Variants in DPP6 observed in about 807,000 individuals in gnomAD.
DPP6 encodes the protein dipeptidyl peptidase like 6.
A neutral mutation model predicts 122.6 loss-of-function variants in DPP6; 69 were observed. The ratio of observed to expected loss-of-function variants is 0.56; its 90% confidence interval spans 0.46 to 0.69. DPP6 has a LOEUF of 0.69. Among genes scored for constraint, DPP6 ranks in the 30% least tolerant of loss-of-function variants. The pLI, the probability that DPP6 is intolerant of heterozygous loss-of-function variation, is 0.00. For missense variants in DPP6, 928 were observed against 1,116.9 expected, an observed-to-expected ratio of 0.83 and a Z score of 2.41; for synonymous variants, 418 against 433.1, an observed-to-expected ratio of 0.97 and a Z score of 0.43.
chr7:154,383,890 C>CCA (rs1813851628), intron 1 of DPP6, among the ~76,000 whole-genome samples: 1 of 106,566 alleles, frequency 9.4e-6, no homozygotes, highest in Non-Finnish European at 1.8e-5. Context: ...ACTCTGTCTC[C>CCA]AAAAAAAAAA....
chr7:154,105,297 G>A (rs1412466419), intron 1 of DPP6, among the ~76,000 whole-genome samples: 1 of 152,218 alleles, frequency 6.6e-6, no homozygotes, highest in Non-Finnish European at 1.5e-5. Context: ...GGAGAGGGAT[G>A]GCCAAAAGAA....
chr7:153,791,424 C>CT, the DPP6 span, among the ~76,000 whole-genome samples: 22 of 91,646 alleles, frequency 2.4e-4, 1 homozygote, highest in African/African-American at 3.8e-4. Flanking sequence ...TCCTTCCTTT[C>CT]TTTTTTTTTT....
chr7:154,119,146 A>G (rs1214045127), intron 1 of DPP6, among the ~76,000 whole-genome samples: 1 of 152,082 alleles, frequency 6.6e-6, no homozygotes, highest in Non-Finnish European at 1.5e-5. Context: ...GTTTCTCAGA[A>G]TCTCTTTCCC....
chr7:154,873,076 C>T (rs1436708458), intron 19 of DPP6, among the ~76,000 whole-genome samples: 2 of 152,248 alleles, frequency 1.3e-5, no homozygotes, highest in Non-Finnish European at 2.9e-5. Context: ...CCGTGGGTCT[C>T]ACTGGCTGGC....
rs1175126838 is a variant in DPP6 at position 153,978,844 on chromosome 7, G to A, written c.51+91110G>A. Among the ~76,000 whole-genome samples the A allele has an allele frequency of 6.6e-5, 10 of 152,134 alleles. No individual in the cohort carries two copies. The South Asian group carries it at 8.3e-4, about 13-fold the overall frequency. On this transcript the variant is annotated intron_variant, in intron 1 of 25. Transcript: ENST00000404039. ...GCTTGTTTTTGTTAGGTTTGTCAAA[G>A]ATCAGATGGTTGTAGTTGTGCAGTG...
In DPP6 at chr7:154,760,478, A is replaced by G. The variant is rs1034836592; in HGVS notation, c.884-8939A>G. On this transcript the variant is annotated intron_variant, in intron 8 of 25. Coordinates refer to ENST00000377770, the MANE Select transcript of DPP6 (RefSeq NM_130797.4). This position sits in a 1 kb window ranked among gnomAD's most constrained non-coding sequence, Gnocchi z 4.5. ...GGGGCGGAGGGAGCGTCAGTGTTTC[A>G]GCAGGTTGTTTCTATTCTTGTCTGC... is the stretch of plus-strand genomic sequence containing the variant. 3.3e-5 allele frequency among the ~76,000 whole-genome samples: 5 copies of G among 152,264 alleles called. No individual in the cohort carries two copies. In the South Asian group the frequency reaches 6.2e-4, roughly 19 times the overall value.
At chr7:154,782,235 G>T (rs1797071741) in intron 10 of DPP6, among the ~76,000 whole-genome samples, 1 of 152,204 alleles carries the variant, frequency 6.6e-6, no homozygotes, top group Non-Finnish European at 1.5e-5. Context: ...AGAATAAAGA[G>T]AAATTTGGTA....
chr7:154,231,562 C>T (rs910390794), intron 1 of DPP6, among the ~76,000 whole-genome samples: 10 of 152,060 alleles, frequency 6.6e-5, no homozygotes, highest in Non-Finnish European at 1.0e-4. Flanking sequence ...TGGGAGGTGT[C>T]GGCATGGAAT....
At chr7:153,911,681 C>A (rs1800098444) in intron 1 of DPP6, among the ~76,000 whole-genome samples, 1 of 152,178 alleles carries the variant, frequency 6.6e-6, no homozygotes, top group South Asian at 2.1e-4. Flanking sequence ...TTATCACATG[C>A]AGATTAATAA....
chr7:153,870,427 T>A, the DPP6 span, among the ~76,000 whole-genome samples: 1 of 152,240 alleles, frequency 6.6e-6, no homozygotes, highest in East Asian at 1.9e-4. Flanking sequence ...ATACTCTTTC[T>A]TGCAGTTGAT....
chr7:154,186,344 T>C (rs1039364740), intron 1 of DPP6, among the ~76,000 whole-genome samples: 3 of 152,252 alleles, frequency 2.0e-5, no homozygotes, highest in Non-Finnish European at 4.4e-5. Flanking sequence ...GAGTCACTTG[T>C]AGATATGGTG....
chr7:154,200,574 C>G (rs539022483), intron 1 of DPP6, among the ~76,000 whole-genome samples: 1 of 152,292 alleles, frequency 6.6e-6, no homozygotes, highest in South Asian at 2.1e-4. Flanking sequence ...TCAGGCCATT[C>G]TTAGGCATTT....
intron 4 of DPP6, among the ~76,000 whole-genome samples, chr7:154,553,426 C>A (rs112635288): frequency 0.011 from 1,632 of 152,270 alleles, 27 homozygotes; most frequent in African/African-American, 0.037. Flanking sequence ...TAAGCTACTG[C>A]AAGGTATATG....
chr7:154,468,138 G>T (rs1821951229), intron 2 of DPP6, among the ~76,000 whole-genome samples: 1 of 152,098 alleles, frequency 6.6e-6, no homozygotes, highest in South Asian at 2.1e-4. Context: ...ATGAAGTAGT[G>T]GTACATTCTG....
intron 1 of DPP6, among the ~76,000 whole-genome samples, chr7:153,963,857 G>A (rs1284395509): frequency 1.3e-5 from 2 of 152,298 alleles, no homozygotes; most frequent in South Asian, 2.1e-4. Context: ...GACTGCTGCT[G>A]TAAAGCATGC....
At chr7:154,327,570 GA>G (rs1278555268) in intron 1 of DPP6, among the ~76,000 whole-genome samples, 1 of 151,864 alleles carries the variant, frequency 6.6e-6, no homozygotes, top group Admixed American at 6.6e-5. Flanking sequence ...TGTCTTAGAA[GA>G]AAAAAATGAA....
chr7:153,999,196 G>A (rs1320492617), intron 1 of DPP6, among the ~76,000 whole-genome samples: 4 of 152,210 alleles, frequency 2.6e-5, no homozygotes, highest in Admixed American at 6.5e-5. Flanking sequence ...TTCTCGAGCA[G>A]TATCAATGCT....
chr7:153,815,514 C>T, the DPP6 span, among the ~76,000 whole-genome samples: 3 of 151,898 alleles, frequency 2.0e-5, no homozygotes, highest in Non-Finnish European at 4.4e-5. Context: ...GCTATCCCTC[C>T]CCCGTCCCCC....
At chr7:154,078,796 A>G (rs1391258277) in intron 1 of DPP6, among the ~76,000 whole-genome samples, 1 of 152,164 alleles carries the variant, frequency 6.6e-6, no homozygotes, top group Non-Finnish European at 1.5e-5. Flanking sequence ...CTGGTTTTAG[A>G]CTTTAATTTT....
Sources: allele counts gnomAD v4.1 joint callset (sites outside exome capture counted in the v4.1 genomes callset), GRCh38; gene constraint gnomAD v4.1.1; non-coding constraint Gnocchi (gnomAD v3.1); transcripts MANE v1.5; gene names NCBI Gene and HGNC (gene_info 2026-07-23, HGNC 2026-07-21).